The following TMTC2 variants were observed in gnomAD, a reference collection of about 807,000 sequenced individuals.
TMTC2 encodes protein O-mannosyl-transferase TMTC2.
TMTC2 carries 43 observed loss-of-function variants against 82.4 expected under a neutral mutation model. That is an observed-to-expected ratio of 0.52 (90% CI 0.41 to 0.67). The LOEUF is 0.67. Ranked by LOEUF, TMTC2 falls within the 30% of genes least tolerant of loss-of-function variation. The probability of loss-of-function intolerance (pLI) is 0.00; values close to 1 mark genes in which losing one functional copy is unlikely to be tolerated. For missense variants in TMTC2, 919 were observed against 1,012.4 expected (o/e 0.91, Z 1.25); for synonymous variants, 408 against 381.9 (o/e 1.07, Z -0.80).
At chr12:82,920,041 G>C (rs1875291207) in intron 3 of TMTC2, among the ~76,000 whole-genome samples, 1 of 152,092 alleles carries the variant, frequency 6.6e-6, no homozygotes, top group African/African-American at 2.4e-5. Flanking sequence ...TGTTGTTATA[G>C]CAACAACCCT....
rs537569826 is a variant in TMTC2, at chr12:83,115,665, A to G, written c.2332-16545A>G. ...TTTTATTATTTTTTTTTTTATTTCT[A>G]TAGGTTATTGGGGAACGGGTGGTGT... is the stretch of plus-strand genomic sequence containing the variant. On this transcript the variant is annotated intron_variant, in intron 11 of 11. Coordinates refer to ENST00000321196, the MANE Select transcript of TMTC2 (RefSeq NM_152588.3). Among the ~76,000 whole-genome samples, 20 of 151,012 alleles carry G rather than the reference A, an allele frequency of 1.3e-4. No homozygotes were observed. In the South Asian group the frequency reaches 3.6e-3, roughly 27 times the overall value.
intron 1 of TMTC2, among the ~76,000 whole-genome samples, chr12:82,753,520 G>A (rs1358387187): frequency 6.6e-6 from 1 of 152,024 alleles, no homozygotes; most frequent in Non-Finnish European, 1.5e-5. Context: ...TTTATGTATT[G>A]GGTGGCTTAA....
At chr12:82,753,014 CTT>C (rs1469011575) in intron 1 of TMTC2, among the ~76,000 whole-genome samples, 2 of 152,214 alleles carry the variant, frequency 1.3e-5, no homozygotes, top group South Asian at 2.1e-4. Context: ...ATTTCTCTCT[CTT>C]GGTCTTTTCA....
At chr12:82,780,509 C>G (rs957523392) in intron 1 of TMTC2, among the ~76,000 whole-genome samples, 1 of 151,732 alleles carries the variant, frequency 6.6e-6, no homozygotes, top group African/African-American at 2.4e-5. Context: ...CATACCGATA[C>G]CTTGTGATGT....
chr12:82,947,443 C>T lies in TMTC2; in HGVS notation c.1598+16898C>T, dbSNP rs371420615. On this transcript the variant is annotated intron_variant, in intron 4 of 11. Coordinates refer to ENST00000321196, the MANE Select transcript of TMTC2 (RefSeq NM_152588.3). Reference sequence around the variant, plus strand: ...CTGCAAGCTCCGCCTTCCGGGTTCACGCCATTCTCCTGCCTCAGCCTCCCG... The same window carrying T: ...CTGCAAGCTCCGCCTTCCGGGTTCATGCCATTCTCCTGCCTCAGCCTCCCG... Among the ~76,000 whole-genome samples, 382 of 151,362 alleles carry T rather than the reference C, an allele frequency of 2.5e-3. 1 individual carries two copies. The highest frequency in any genetic ancestry group is 8.8e-3 in the African/African-American group (362 of 41,164).
intron 1 of TMTC2, among the ~76,000 whole-genome samples, chr12:82,808,510 A>T (rs762467319): frequency 6.6e-6 from 1 of 152,092 alleles, no homozygotes; most frequent in African/African-American, 2.4e-5. Context: ...GTAGATATGG[A>T]AACTGAGCTG....
intron 2 of TMTC2, among the ~76,000 whole-genome samples, chr12:82,886,095 C>T (rs1873085757): frequency 6.6e-6 from 1 of 151,960 alleles, no homozygotes; most frequent in Non-Finnish European, 1.5e-5. Context: ...TTTTTTGATG[C>T]TCAAATTCTT....
chr12:82,701,715 C>T (rs866193596), intron 1 of TMTC2, among the ~76,000 whole-genome samples: 5 of 149,266 alleles, frequency 3.3e-5, no homozygotes, highest in East Asian at 2.0e-4. Flanking sequence ...GAGCCGACAT[C>T]GTGCCATTGT....
At chr12:82,864,469 C>A (rs1022198944) in intron 2 of TMTC2, among the ~76,000 whole-genome samples, 40 of 147,160 alleles carry the variant, frequency 2.7e-4, no homozygotes, top group Non-Finnish European at 5.7e-4. Context: ...AGTTTTATAT[C>A]TCATTCATAT....
At chr12:82,918,322 C>T (rs951428083) in intron 3 of TMTC2, among the ~76,000 whole-genome samples, 7 of 152,178 alleles carry the variant, frequency 4.6e-5, no homozygotes, top group African/African-American at 1.7e-4. Context: ...AGATGACTGG[C>T]AAGATTGCAA....
intron 1 of TMTC2, among the ~76,000 whole-genome samples, chr12:82,785,093 A>T (rs1385115414): frequency 6.6e-6 from 1 of 152,106 alleles, no homozygotes; most frequent in Non-Finnish European, 1.5e-5. Context: ...AGTCATGTAT[A>T]GGATTCATAG....
chr12:82,712,169 C>G (rs535336882), intron 1 of TMTC2, among the ~76,000 whole-genome samples: 1 of 152,164 alleles, frequency 6.6e-6, no homozygotes, highest in Non-Finnish European at 1.5e-5. Context: ...CAATGGCTTA[C>G]GCCTGTAATC....
At chr12:82,705,319 A>C (rs992745031) in intron 1 of TMTC2, among the ~76,000 whole-genome samples, 3 of 152,224 alleles carry the variant, frequency 2.0e-5, no homozygotes, top group South Asian at 4.1e-4. Flanking sequence ...TCTGTTCCCC[A>C]ATAACCTATG....
In TMTC2 at chr12:82,943,126, T is replaced by C. The variant is rs187650549; in HGVS notation, c.1598+12581T>C. On this transcript the variant is annotated intron_variant, in intron 4 of 11. Transcript: ENST00000321196. ...GAAAGTCCCTCTGTGTCAGTGTTTT[T>C]AAGAGATTTCGTTCATTATATTGTC... 4.6e-4 allele frequency among the ~76,000 whole-genome samples: 70 copies of C among 152,250 alleles called. 1 individual carries two copies. The highest frequency in any genetic ancestry group is 1.2e-3 in the African/African-American group (51 of 41,540).
intron 1 of TMTC2, among the ~76,000 whole-genome samples, chr12:82,842,628 C>A (rs142554598): frequency 1.3e-5 from 2 of 152,260 alleles, no homozygotes; most frequent in African/African-American, 4.8e-5. Flanking sequence ...CCGTAACAGA[C>A]CACCACAGAC....
At chr12:82,846,256 G>T (rs898283903) in intron 1 of TMTC2, among the ~76,000 whole-genome samples, 2 of 152,048 alleles carry the variant, frequency 1.3e-5, no homozygotes, top group Non-Finnish European at 2.9e-5. Flanking sequence ...TACTTGGGAG[G>T]CTGAGGCAGG....
At chr12:82,891,995 G>A (rs1873421237) in intron 2 of TMTC2, among the ~76,000 whole-genome samples, 1 of 152,130 alleles carries the variant, frequency 6.6e-6, no homozygotes, top group African/African-American at 2.4e-5. Context: ...GAACCCAAGA[G>A]GTTGAGGCTG....
intron 1 of TMTC2, among the ~76,000 whole-genome samples, chr12:82,773,088 T>G (rs1007757627): frequency 1.3e-5 from 2 of 152,196 alleles, no homozygotes; most frequent in Admixed American, 1.3e-4. Flanking sequence ...GGTTTTTTGA[T>G]GGAAAATGGA....
intron 1 of TMTC2, among the ~76,000 whole-genome samples, chr12:82,694,809 A>G (rs1872718841): frequency 6.6e-6 from 1 of 152,044 alleles, no homozygotes; most frequent in Admixed American, 6.6e-5. Context: ...GGTTCACTAT[A>G]GCCATGTGAT....
Sources: gnomAD v4.1 joint callset for allele counts (sites outside exome capture counted in the v4.1 genomes callset) on GRCh38, gnomAD v4.1.1 for gene constraint, MANE v1.5 for transcripts, NCBI Gene and HGNC (gene_info 2026-07-23, HGNC 2026-07-21) for gene names.